Variants in SYT2 observed in about 807,000 individuals in gnomAD.
SYT2 encodes synaptotagmin 2, also known as synaptotagmin-2.
A neutral mutation model predicts 39.9 loss-of-function variants in SYT2; 15 were observed. That is an observed-to-expected ratio of 0.38 (90% CI 0.25 to 0.58). The LOEUF (loss-of-function observed/expected upper bound fraction) is 0.58, where lower values mean the gene tolerates loss of function less well. Among genes scored for constraint, SYT2 ranks in the 20% least tolerant of loss-of-function variants. The pLI is 0.70. For synonymous variants in SYT2, 181 were observed against 204.5 expected, an observed-to-expected ratio of 0.89 and a Z score of 0.98; for missense variants, 389 against 530.3, an observed-to-expected ratio of 0.73 and a Z score of 2.62.
chr1:202,598,535 G>T (rs574996046), intron 8 of SYT2, among the ~76,000 whole-genome samples: 3 of 151,992 alleles, frequency 2.0e-5, no homozygotes, highest in Non-Finnish European at 1.5e-5. Context: ...GGGAGGAGAG[G>T]GGGTGGGATC....
At chr1:202,702,864 G>A (rs1050228779) in intron 1 of SYT2, among the ~76,000 whole-genome samples, 4 of 152,230 alleles carry the variant, frequency 2.6e-5, no homozygotes, top group Non-Finnish European at 2.9e-5. Flanking sequence ...GACAAGGACA[G>A]TCCTCAGAGA....
At chr1:202,604,243 G>A in intron 3 of SYT2, 1 of 558,956 alleles carries the variant, frequency 1.8e-6, no homozygotes. Context: ...TCTTTCCAGG[G>A]ATGAGTTCAT....
chr1:202,707,902 A>T (rs1654293633), intron 1 of SYT2, among the ~76,000 whole-genome samples: 2 of 152,190 alleles, frequency 1.3e-5, no homozygotes, highest in Non-Finnish European at 2.9e-5. Context: ...GCCCACCCCC[A>T]GGTCTCTGCA....
intron 1 of SYT2, among the ~76,000 whole-genome samples, chr1:202,700,106 C>A (rs1035522907): frequency 6.6e-6 from 1 of 152,080 alleles, no homozygotes; most frequent in African/African-American, 2.4e-5. Flanking sequence ...CCTAGACACC[C>A]CTCTCTCCCA....
chr1:202,691,664 C>CGAGAGGGGGAGGGAGCGAGGGG (rs1653819188), intron 1 of SYT2, among the ~76,000 whole-genome samples: 3 of 116,708 alleles, frequency 2.6e-5, no homozygotes. Context: ...AGGGAGGGAG[C>CGAGAGGGGGAGGGAGCGAGGGG]GAGAGGGGGA....
At chr1:202,620,054 A>G (rs1223374228) in intron 1 of SYT2, among the ~76,000 whole-genome samples, 2 of 152,230 alleles carry the variant, frequency 1.3e-5, no homozygotes, top group Non-Finnish European at 2.9e-5. Context: ...CCCAGTCCTC[A>G]GGGAAAGCTC....
At chr1:202,634,668 T>C (rs193175435) in intron 1 of SYT2, among the ~76,000 whole-genome samples, 1 of 151,784 alleles carries the variant, frequency 6.6e-6, no homozygotes, top group Non-Finnish European at 1.5e-5. Context: ...TAAAACGCAG[T>C]ATATCTACAC....
Position 202,614,247 on chromosome 1 carries a change from T to C in SYT2, c.-17-8458A>G, listed in dbSNP as rs760449834. On this transcript the variant is annotated intron_variant, in intron 1 of 8. Coordinates refer to ENST00000367268, the MANE Select transcript of SYT2 (RefSeq NM_177402.5). This position sits in a 1 kb window ranked among gnomAD's most constrained non-coding sequence, Gnocchi z 4.0. ...AGGAATGAAGGGGGAGAACTGCATC[T>C]CAGGAGTGTTGGAGTCCCAGAAAAG... is the stretch of plus-strand genomic sequence containing the variant. Among the ~76,000 whole-genome samples, 9 of 152,178 alleles carry C rather than the reference T, an allele frequency of 5.9e-5. No individual in the cohort carries two copies. Among genetic ancestry groups the C allele is most frequent in the African/African-American group, 9.7e-5 (4 of 41,430 alleles).
chr1:202,620,884 A>G (rs1313362699), intron 1 of SYT2, among the ~76,000 whole-genome samples: 7 of 152,158 alleles, frequency 4.6e-5, no homozygotes, highest in Non-Finnish European at 7.4e-5. Context: ...GTCAGCCTAC[A>G]TGGGAGAATC....
At chr1:202,650,266 G>A (rs137872836) in intron 1 of SYT2, among the ~76,000 whole-genome samples, 23 of 152,270 alleles carry the variant, frequency 1.5e-4, no homozygotes, top group African/African-American at 5.1e-4. Flanking sequence ...CTGTGAGCCG[G>A]GGTGTCCAGC....
intron 1 of SYT2, among the ~76,000 whole-genome samples, chr1:202,642,910 TC>T (rs1448218214): frequency 1.3e-5 from 2 of 152,250 alleles, no homozygotes; most frequent in Non-Finnish European, 2.9e-5. Flanking sequence ...AGGTCCCTGG[TC>T]CCAGCGCTAA....
chr1:202,691,733 GA>G (rs1437240290), intron 1 of SYT2, among the ~76,000 whole-genome samples: 1 of 20,252 alleles, frequency 4.9e-5, no homozygotes, highest in South Asian at 2.1e-3. Flanking sequence ...GAGAGGGGGG[GA>G]GAGAGAGAGA....
In SYT2 at chr1:202,628,101, C is replaced by A. The variant is rs1467281904; in HGVS notation, c.-17-22312G>T. Among the ~76,000 whole-genome samples, 1 of 152,188 alleles carries A rather than the reference C, an allele frequency of 6.6e-6. No homozygotes were observed. Among genetic ancestry groups the A allele is most frequent in the African/African-American group, 2.4e-5 (1 of 41,448 alleles). On this transcript the variant is annotated intron_variant, in intron 1 of 8. Coordinates refer to ENST00000367268, the MANE Select transcript of SYT2 (RefSeq NM_177402.5). The surrounding 1 kb of genome is among the most constrained non-coding windows in gnomAD (Gnocchi z 4.2). ...CGGGCTCAGAGGTGGGTGCCGGGGG[C>A]AGGGAGGGAGACCTCCACTGTGCCC...
At position 202,701,831 on chromosome 1, in the gene SYT2, C is replaced by T. The variant is rs996179928; in HGVS notation, c.-18+8427G>A. Reference sequence around the variant, plus strand: ...TGCTATAAGGTAAACTTCACAAGGGCCTGTTCCCTGTGTGTTACTGTCTCC... The same window carrying T: ...TGCTATAAGGTAAACTTCACAAGGGTCTGTTCCCTGTGTGTTACTGTCTCC... On this transcript the variant is annotated intron_variant, in intron 1 of 8. Coordinates refer to ENST00000367268, the MANE Select transcript of SYT2 (RefSeq NM_177402.5). Among the ~76,000 whole-genome samples, 10 of 152,166 alleles carry T rather than the reference C, an allele frequency of 6.6e-5. No individual in the cohort carries two copies. The South Asian group carries it at 2.1e-3, about 32-fold the overall frequency.
At chr1:202,668,827 C>T (rs1018731186) in intron 1 of SYT2, among the ~76,000 whole-genome samples, 19 of 152,150 alleles carry the variant, frequency 1.2e-4, no homozygotes, top group African/African-American at 4.1e-4. Context: ...GACAGGGTGG[C>T]GAGGCACTGA....
At chr1:202,655,042 C>CT (rs1322347814) in intron 1 of SYT2, among the ~76,000 whole-genome samples, 1 of 152,098 alleles carries the variant, frequency 6.6e-6, no homozygotes, top group Non-Finnish European at 1.5e-5. Context: ...GTGTCACTCA[C>CT]TGGGATATAA....
intron 1 of SYT2, among the ~76,000 whole-genome samples, chr1:202,697,281 G>A (rs763232555): frequency 1.2e-4 from 18 of 152,252 alleles, no homozygotes; most frequent in African/African-American, 1.7e-4. Flanking sequence ...GGTAAGTGGC[G>A]TGTGGACCAG....
At chr1:202,684,133 A>AC (rs1653598272) in intron 1 of SYT2, among the ~76,000 whole-genome samples, 1 of 152,166 alleles carries the variant, frequency 6.6e-6, no homozygotes, top group Non-Finnish European at 1.5e-5. Context: ...AATCATTACT[A>AC]CAGGTAAGCA....
chr1:202,602,062 A>G lies in SYT2; in HGVS notation c.634-5T>C, dbSNP rs1369310122. On this transcript the variant is annotated splice_polypyrimidine_tract_variant and splice_region_variant and intron_variant, in intron 5 of 8. Coordinates refer to ENST00000367268, the MANE Select transcript of SYT2 (RefSeq NM_177402.5). The stretch of plus-strand genomic sequence containing the variant: ...CCCAAGCTCCTGGTATGGCACCTGC[A>G]GGGCACAAGCAGAATCAGAGGGGGC... The G allele has an allele frequency of 1.9e-6, 3 of 1,613,836 alleles. No homozygotes were observed. Among genetic ancestry groups the G allele is most frequent in the African/African-American group, 1.3e-5 (1 of 74,926 alleles).
Sources: allele counts gnomAD v4.1 joint callset (sites outside exome capture counted in the v4.1 genomes callset), GRCh38; gene constraint gnomAD v4.1.1; non-coding constraint Gnocchi (gnomAD v3.1); transcripts MANE v1.5; gene names NCBI Gene and HGNC (gene_info 2026-07-23, HGNC 2026-07-21).